The following PREX2 variants were observed in gnomAD, a reference collection of about 807,000 sequenced individuals.
PREX2 encodes the protein phosphatidylinositol-3,4,5-trisphosphate dependent Rac exchange factor 2.
In PREX2, 107 loss-of-function variants were observed where a neutral mutation model predicts 203.2. The observed-to-expected ratio is 0.53, with a 90% CI of 0.45 to 0.62. PREX2 has a LOEUF of 0.62. Among genes scored for constraint, PREX2 ranks in the 20% least tolerant of loss-of-function variants. The pLI is 0.00. For synonymous variants in PREX2, 672 were observed against 663.6 expected (o/e 1.01, Z -0.19); for missense variants, 1,777 against 1,955.9 (o/e 0.91, Z 1.72).
intron 21 of PREX2, chr8:68,094,957 G>C (rs1178618394): frequency 6.6e-6 from 1 of 152,158 alleles, no homozygotes; most frequent in Non-Finnish European, 1.5e-5. Flanking sequence ...TCAGTTATTT[G>C]CTAGAACAGC....
At chr8:68,212,088 G>A (rs1023552283) in intron 37 of PREX2, among the ~76,000 whole-genome samples, 1 of 152,106 alleles carries the variant, frequency 6.6e-6, no homozygotes, top group African/African-American at 2.4e-5. Context: ...GCATGTTTGA[G>A]CCCAGGCTGT....
intron 29 of PREX2, 77 bp downstream of exon 29, chr8:68,120,363 G>A: frequency 1.1e-6 from 1 of 908,906 alleles, no homozygotes; most frequent in Non-Finnish European, 1.8e-6. Flanking sequence ...GAAGCAAGCA[G>A]ATTGCATAAG....
chr8:68,004,210 C>T (rs1807028288), intron 1 of PREX2, among the ~76,000 whole-genome samples: 2 of 152,148 alleles, frequency 1.3e-5, no homozygotes, highest in South Asian at 4.1e-4. Context: ...ACTTAATCTC[C>T]TTCAGACTCA....
chr8:68,178,253 G>A (rs1319748049), intron 35 of PREX2, among the ~76,000 whole-genome samples: 1 of 152,140 alleles, frequency 6.6e-6, no homozygotes, highest in East Asian at 1.9e-4. Flanking sequence ...CAGTGTAAAA[G>A]TGTTTCCTTT....
chr8:68,069,165 T>A (rs368280806), intron 12 of PREX2, 29 bp downstream of exon 12: 3 of 982,906 alleles, frequency 3.1e-6, no homozygotes, highest in Middle Eastern at 2.1e-4. Context: ...ACCTCTCCAA[T>A]AGTAGAATGC....
At chr8:68,079,807 G>A (rs1333186998) in intron 15 of PREX2, among the ~76,000 whole-genome samples, 1 of 152,096 alleles carries the variant, frequency 6.6e-6, no homozygotes, top group Non-Finnish European at 1.5e-5. Context: ...GGGGGGAAAT[G>A]CTAATGTTCA....
At chr8:68,101,158 G>T (rs1252596265) in intron 23 of PREX2, among the ~76,000 whole-genome samples, 1 of 152,072 alleles carries the variant, frequency 6.6e-6, no homozygotes, top group Non-Finnish European at 1.5e-5. Context: ...ATATGAATAT[G>T]TGTTAAGTAT....
intron 8 of PREX2, among the ~76,000 whole-genome samples, chr8:68,049,325 T>A (rs1808453814): frequency 6.8e-6 from 1 of 146,880 alleles, no homozygotes; most frequent in African/African-American, 2.5e-5. Flanking sequence ...ATTGAATACA[T>A]TATTTAGACA....
intron 34 of PREX2, among the ~76,000 whole-genome samples, chr8:68,153,687 G>T (rs1412944228): frequency 1.3e-5 from 2 of 152,002 alleles, no homozygotes; most frequent in African/African-American, 2.4e-5. Context: ...GCTAAAATAG[G>T]GAATGTTGTC....
At chr8:68,054,397 A>G (rs1808615600) in intron 9 of PREX2, among the ~76,000 whole-genome samples, 1 of 149,652 alleles carries the variant, frequency 6.7e-6, no homozygotes, top group Non-Finnish European at 1.5e-5. Flanking sequence ...CCCCCAAACG[A>G]GAAGAAGCAC....
chr8:68,055,805 C>G, intron 9 of PREX2, 25 bp from the exon 10 acceptor site: 2 of 1,602,180 alleles, frequency 1.2e-6, no homozygotes, highest in Non-Finnish European at 1.7e-6. Context: ...TTTCAGTTAC[C>G]TCTCCTTTCT....
At chr8:68,047,280 C>T (rs1191229664) in intron 8 of PREX2, among the ~76,000 whole-genome samples, 1 of 151,558 alleles carries the variant, frequency 6.6e-6, no homozygotes, top group Non-Finnish European at 1.5e-5. Context: ...TTTTACTTTA[C>T]ACATGAAGCT....
At chr8:68,125,054 G>A (rs1810860823) in intron 30 of PREX2, among the ~76,000 whole-genome samples, 1 of 152,052 alleles carries the variant, frequency 6.6e-6, no homozygotes, top group Non-Finnish European at 1.5e-5. Flanking sequence ...CATCTCAATG[G>A]ACTATGCAAG....
At chr8:68,040,074 G>T (rs1488368739) in intron 7 of PREX2, among the ~76,000 whole-genome samples, 1 of 152,092 alleles carries the variant, frequency 6.6e-6, no homozygotes, top group East Asian at 1.9e-4. Context: ...GACCAGGCAG[G>T]ATAGAGTGCA....
intron 1 of PREX2, among the ~76,000 whole-genome samples, chr8:67,985,084 T>C (rs1342175877): frequency 6.6e-6 from 1 of 151,806 alleles, no homozygotes; most frequent in East Asian, 1.9e-4. Context: ...AGAGAAAACA[T>C]ACCAAGTTCT....
Position 68,235,965 on chromosome 8 carries a change from A to G in PREX2, c.*4587A>G, listed in dbSNP as rs1243852280. 1 of 152,172 alleles carries G rather than the reference A, an allele frequency of 6.6e-6. No individual in the cohort carries two copies. Among genetic ancestry groups the G allele is most frequent in the Non-Finnish European group, 1.5e-5 (1 of 68,034 alleles). 9.4% of individuals were successfully genotyped at this position (152,172 alleles called of 1,614,324 possible). On this transcript the variant is annotated 3_prime_UTR_variant, in exon 40 of 40. Transcript: ENST00000288368. The stretch of plus-strand genomic sequence containing the variant: ...GAGATACCTGAAGTCTACTAAGTCT[A>G]CTAAATGAGATATATATGTGTATGT...
chr8:68,204,932 C>G (rs1003791039), intron 37 of PREX2, among the ~76,000 whole-genome samples: 1 of 151,844 alleles, frequency 6.6e-6, no homozygotes, highest in African/African-American at 2.4e-5. Flanking sequence ...CCGCCCGCCT[C>G]GGCCTCCCAA....
intron 26 of PREX2, among the ~76,000 whole-genome samples, chr8:68,116,473 TA>T (rs1446297894): frequency 6.6e-6 from 1 of 152,176 alleles, no homozygotes; most frequent in Middle Eastern, 3.2e-3. Flanking sequence ...CTGGGCAGCT[TA>T]AAAAACAGAA....
chr8:67,994,930 G>A (rs1806721126), intron 1 of PREX2, among the ~76,000 whole-genome samples: 1 of 152,116 alleles, frequency 6.6e-6, no homozygotes, highest in African/African-American at 2.4e-5. Context: ...AGTTCTACAT[G>A]GTTTTAGTAT....
Sources: gnomAD v4.1 joint callset for allele counts (sites outside exome capture counted in the v4.1 genomes callset) on GRCh38, gnomAD v4.1.1 for gene constraint, MANE v1.5 for transcripts, NCBI Gene and HGNC (gene_info 2026-07-23, HGNC 2026-07-21) for gene names.